NOTCH1: variants seen among roughly 807,000 people sequenced by gnomAD.
NOTCH1 encodes the protein neurogenic locus notch homolog protein 1.
Under a neutral mutation model 254.8 loss-of-function variants are expected in NOTCH1, and 37 were observed. The observed-to-expected ratio is 0.15, with a 90% CI of 0.11 to 0.19. NOTCH1 has a LOEUF of 0.19. NOTCH1 is among the 10% of genes least tolerant of loss of function. The pLI is 1.00. For missense variants in NOTCH1, 2,972 were observed against 3,708.6 expected, an observed-to-expected ratio of 0.80 and a Z score of 5.16; for synonymous variants, 1,731 against 1,618.1, an observed-to-expected ratio of 1.07 and a Z score of -1.68.
chr9:136,525,334 C>T (rs990067753), intron 2 of NOTCH1, among the ~76,000 whole-genome samples: 4 of 152,238 alleles, frequency 2.6e-5, no homozygotes, highest in African/African-American at 7.2e-5. Context: ...GCCTGCCCCC[C>T]CCAGCCACCT....
At chr9:136,501,448 A>G (rs1410156295) in intron 30 of NOTCH1, among the ~76,000 whole-genome samples, 8 of 118,878 alleles carry the variant, frequency 6.7e-5, no homozygotes, top group African/African-American at 2.5e-4. Context: ...ACAAAAAAAA[A>G]AGAAAAAAAA....
chr9:136,508,326 G>A lies in NOTCH1; in HGVS notation c.3231C>T (p.Thr1077=), dbSNP rs781656729. The change falls in exon 20 of 34, where the codon ACC becomes ACT. Residue 1077 remains threonine (T), a synonymous_variant. Coordinates refer to ENST00000651671, the MANE Select transcript of NOTCH1 (RefSeq NM_017617.5). ...PCKNGGKCWQ[T]HTQYRCECPS... is the part of the protein sequence containing the mutation. ...GGCACTCGCAGCGGTACTGGGTGTG[G>A]GTCTGCCAGCATTTGCCGCCGTTCT... The A allele has an allele frequency of 3.1e-6, 5 of 1,612,926 alleles. No homozygotes were observed. Among genetic ancestry groups the A allele is most frequent in the Non-Finnish European group, 4.2e-6 (5 of 1,180,016 alleles).
At chr9:136,511,066 T>C in intron 16 of NOTCH1, 86 bp downstream of exon 16, 1 of 1,594,108 alleles carries the variant, frequency 6.3e-7, no homozygotes, top group Non-Finnish European at 8.6e-7. Flanking sequence ...CTTCAAAGAC[T>C]CATCTAGCCT....
At chr9:136,522,268 C>T (rs1019687354) in intron 4 of NOTCH1, among the ~76,000 whole-genome samples, 1 of 152,214 alleles carries the variant, frequency 6.6e-6, no homozygotes, top group Non-Finnish European at 1.5e-5. Context: ...TGAGCCACCA[C>T]GCGCGGCCGA....
At chr9:136,523,266 T>C (rs1843404206) in intron 3 of NOTCH1, 78 bp from the exon 4 acceptor site, 4 of 1,414,174 alleles carry the variant, frequency 2.8e-6, no homozygotes, top group South Asian at 1.2e-5. Flanking sequence ...TCAGGCCACC[T>C]GGAGGTGCCA....
chr9:136,544,560 G>C (rs1173267290), intron 1 of NOTCH1, among the ~76,000 whole-genome samples: 1 of 152,174 alleles, frequency 6.6e-6, no homozygotes, highest in Admixed American at 6.5e-5. Flanking sequence ...GAGCTGGACG[G>C]GGGGAGGGGG....
intron 29 of NOTCH1, 41 bp from the exon 30 acceptor site, chr9:136,501,954 G>C: frequency 6.2e-7 from 1 of 1,611,668 alleles, no homozygotes; most frequent in Non-Finnish European, 8.5e-7. Flanking sequence ...GGGCAGCCCG[G>C]CAGCAGGTGC....
intron 15 of NOTCH1, among the ~76,000 whole-genome samples, chr9:136,512,070 G>C (rs971327241): frequency 5.3e-5 from 8 of 152,256 alleles, no homozygotes; most frequent in Non-Finnish European, 1.0e-4. Flanking sequence ...CTGCGCCAGA[G>C]TTTCCGACAA....
chr9:136,499,723 G>A (rs1483361078), intron 31 of NOTCH1, among the ~76,000 whole-genome samples: 2 of 152,200 alleles, frequency 1.3e-5, no homozygotes, highest in Non-Finnish European at 2.9e-5. Flanking sequence ...CATCTGGCAG[G>A]AGGAATGGCC....
intron 5 of NOTCH1, 73 bp from the exon 6 acceptor site, chr9:136,518,897 T>C: frequency 7.4e-7 from 1 of 1,349,136 alleles, no homozygotes; most frequent in Non-Finnish European, 1.1e-6. Flanking sequence ...AGACGCAGGG[T>C]GGCAATGCCG....
chr9:136,505,851 C>T lies in NOTCH1; in HGVS notation c.4045G>A (p.Ala1349Thr), dbSNP rs553328686. The T allele has an allele frequency of 3.1e-6, 5 of 1,595,058 alleles. No homozygotes were observed. Among genetic ancestry groups the T allele is most frequent in the South Asian group, 2.2e-5 (2 of 90,608 alleles). Residue 1349 changes from alanine (A) to threonine (T), a missense_variant, in exon 25 of 34, where the codon GCT becomes ACT. By Grantham distance (58) the Ala-to-Thr change is moderately conservative. Coordinates refer to ENST00000651671, the MANE Select transcript of NOTCH1 (RefSeq NM_017617.5). Reference protein sequence around the residue: ...GFEGATCENDARTCGSLRCLN... With the variant: ...GFEGATCENDTRTCGSLRCLN... ...CAGCGCAGGCTGCCGCAGGTACGAG[C>T]GTCATTCTCACACGTGGCGCCCTCG...
chr9:136,500,946 T>A, intron 30 of NOTCH1, 99 bp from the exon 31 acceptor site: 1 of 1,345,972 alleles, frequency 7.4e-7, no homozygotes, highest in Non-Finnish European at 1.0e-6. Context: ...GGCCACGGTG[T>A]GGATGCACCA....
rs2133336508 is a variant in NOTCH1 at position 136,504,859 on chromosome 9, T to C, written c.4832A>G (p.His1611Arg). The C allele has an allele frequency of 6.3e-7, 1 of 1,582,836 alleles. No individual in the cohort carries two copies. The highest frequency in any genetic ancestry group is 8.6e-7 in the Non-Finnish European group (1 of 1,164,994). The change falls in exon 26 of 34, where the codon CAC (histidine) becomes CGC (arginine). Residue 1611 changes from histidine (H) to arginine (R), a missense_variant. This residue lies in a region of NOTCH1 where 1,343 missense variants were observed against 1,557.0 expected (regional missense o/e 0.86). Coordinates refer to ENST00000651671, the MANE Select transcript of NOTCH1 (RefSeq NM_017617.5). ...HTNVVFKRDAHGQQMIFPYYG... is the reference protein window; with the variant it reads ...HTNVVFKRDARGQQMIFPYYG... ...GTAGGGGAAGATCATCTGCTGGCCG[T>C]GTGCGTCACGCTTGAAGACCACGTT... is the stretch of plus-strand genomic sequence containing the variant.
intron 4 of NOTCH1, 104 bp from the exon 5 acceptor site, chr9:136,519,669 C>A: frequency 6.3e-7 from 1 of 1,581,278 alleles, no homozygotes; most frequent in Non-Finnish European, 8.6e-7. Context: ...GCCTCCACGG[C>A]CCTGCCCTGG....
At chr9:136,527,409 C>T (rs1340549364) in intron 2 of NOTCH1, among the ~76,000 whole-genome samples, 2 of 152,164 alleles carry the variant, frequency 1.3e-5, no homozygotes, top group South Asian at 2.1e-4. Context: ...GTGTGGGCCG[C>T]GAGGTGGGCG....
At position 136,513,233 on chromosome 9, in the gene NOTCH1, C is replaced by T; in HGVS notation, c.2354-99G>A. Reference sequence around the variant, plus strand: ...CTGGGCCTGCTCCCCACCCCAGGCCCCTCCTCATCTCCAAGAGCCAGAGGC... The same window carrying T: ...CTGGGCCTGCTCCCCACCCCAGGCCTCTCCTCATCTCCAAGAGCCAGAGGC... On this transcript the variant is annotated intron_variant, in intron 14 of 33. Coordinates refer to ENST00000651671, the MANE Select transcript of NOTCH1 (RefSeq NM_017617.5). The surrounding 1 kb of genome is among the most constrained non-coding windows in gnomAD (Gnocchi z 4.7). The T allele has an allele frequency of 6.9e-7, 1 of 1,448,998 alleles. No homozygotes were observed. Among genetic ancestry groups the T allele is most frequent in the Non-Finnish European group, 9.6e-7 (1 of 1,037,504 alleles). The allele number at this position is 1,448,998 out of a possible 1,614,324, so 89.8% of individuals were successfully genotyped here.
intron 8 of NOTCH1, 117 bp from the exon 9 acceptor site, chr9:136,517,502 G>C: frequency 1.2e-6 from 1 of 861,320 alleles, no homozygotes; most frequent in Non-Finnish European, 1.9e-6. Context: ...CAGCCACCAC[G>C]GGCCCCCTGC....
At chr9:136,539,751 G>C (rs1433260104) in intron 2 of NOTCH1, among the ~76,000 whole-genome samples, 2 of 152,204 alleles carry the variant, frequency 1.3e-5, no homozygotes, top group Non-Finnish European at 2.9e-5. Flanking sequence ...CTCAGCATGA[G>C]GAGGAGAATC....
chr9:136,505,443 C>T lies in NOTCH1; in HGVS notation c.4453G>A (p.Asp1485Asn), dbSNP rs1843065494. 1 of 1,612,904 alleles carries T rather than the reference C, an allele frequency of 6.2e-7. No individual in the cohort carries two copies. The highest frequency in any genetic ancestry group is 8.5e-7 in the Non-Finnish European group (1 of 1,180,018). Reference sequence around the variant, plus strand: ...GACTGCGTGCAGTTCTTCCAGGGGTCATTGAAGTTGAGGGAGCAGTCACCG... The same window carrying T: ...GACTGCGTGCAGTTCTTCCAGGGGTTATTGAAGTTGAGGGAGCAGTCACCG... Reference protein sequence around the residue: ...DGGDCSLNFNDPWKNCTQSLQ... With the variant: ...DGGDCSLNFNNPWKNCTQSLQ... Residue 1485 changes from aspartate (D) to asparagine (N), a missense_variant, in exon 25 of 34, where the codon GAC (aspartate) becomes AAC (asparagine). By Grantham distance (23) the Asp-to-Asn change is conservative. Transcript: ENST00000651671.
Sources: allele counts gnomAD v4.1 joint callset (sites outside exome capture counted in the v4.1 genomes callset), GRCh38; gene constraint gnomAD v4.1.1; regional missense constraint gnomAD v4.1.1; non-coding constraint Gnocchi (gnomAD v3.1); transcripts MANE v1.5; gene names NCBI Gene and HGNC (gene_info 2026-07-23, HGNC 2026-07-21).